The following RGPD2 variants were observed in gnomAD, a reference collection of about 807,000 sequenced individuals.
The protein encoded by RGPD2 is RANBP2-like and GRIP domain-containing protein 2.
RGPD2 carries 2 observed loss-of-function variants against 36.0 expected under a neutral mutation model. The observed-to-expected ratio is 0.06, with a 90% CI of 0.02 to 0.17. The LOEUF (loss-of-function observed/expected upper bound fraction) is 0.17. RGPD2 is among the 10% of genes least tolerant of loss of function. The pLI, the probability that RGPD2 is intolerant of heterozygous loss-of-function variation, is 1.00. For missense variants in RGPD2, 40 were observed against 464.3 expected (o/e 0.09, Z 8.40); for synonymous variants, 19 against 163.8 (o/e 0.12, Z 6.75).
the RGPD2 span, among the ~76,000 whole-genome samples, chr2:87,876,036 T>C: frequency 1.7e-4 from 25 of 151,468 alleles, no homozygotes; most frequent in African/African-American, 5.6e-4. Flanking sequence ...CTGTGAGTAG[T>C]TCATTGGGGT....
At chr2:87,917,903 T>A in the RGPD2 span, among the ~76,000 whole-genome samples, 4 of 121,636 alleles carry the variant, frequency 3.3e-5, no homozygotes, top group African/African-American at 1.1e-4. Context: ...TATTATCCTT[T>A]AGAAGCTTCA....
the RGPD2 span, among the ~76,000 whole-genome samples, chr2:87,983,626 T>A: frequency 7.5e-6 from 1 of 133,754 alleles, no homozygotes; most frequent in African/African-American, 2.8e-5. Context: ...AAACATACAG[T>A]ATATTATATT....
chr2:87,892,550 GAA>G, the RGPD2 span, among the ~76,000 whole-genome samples: 1 of 145,008 alleles, frequency 6.9e-6, no homozygotes. Flanking sequence ...AGCCTGAAGT[GAA>G]GTTATATATG....
chr2:87,839,863 C>A, the RGPD2 span, among the ~76,000 whole-genome samples: 4 of 151,792 alleles, frequency 2.6e-5, no homozygotes, highest in Non-Finnish European at 5.9e-5. Context: ...ATACACCAAA[C>A]CTTCACAGGT....
At chr2:87,968,413 CA>C in the RGPD2 span, among the ~76,000 whole-genome samples, 1 of 146,788 alleles carries the variant, frequency 6.8e-6, no homozygotes, top group Non-Finnish European at 1.5e-5. Context: ...CCGTCTCTAC[CA>C]AAAATGCAAA....
the RGPD2 span, among the ~76,000 whole-genome samples, chr2:87,839,912 A>T: frequency 2.6e-5 from 4 of 152,060 alleles, no homozygotes; most frequent in African/African-American, 7.2e-5. Flanking sequence ...AGAAAAAAAA[A>T]ACACATTATT....
chr2:87,858,020 C>T, the RGPD2 span, among the ~76,000 whole-genome samples: 4 of 152,208 alleles, frequency 2.6e-5, no homozygotes, highest in East Asian at 1.9e-4. Context: ...TGAAGCATTA[C>T]GTTAACTGCA....
At chr2:87,962,008 C>G in the RGPD2 span, among the ~76,000 whole-genome samples, 1 of 121,760 alleles carries the variant, frequency 8.2e-6, no homozygotes, top group Admixed American at 8.7e-5. Context: ...TCCTGGGCAC[C>G]AGAGTGAGAC....
chr2:87,821,915 T>C (rs1686378972), intron 1 of RGPD2, among the ~76,000 whole-genome samples: 1 of 133,040 alleles, frequency 7.5e-6, no homozygotes, highest in Non-Finnish European at 1.6e-5. Context: ...ATTGTAATTG[T>C]CCAAAACTTA....
chr2:87,878,774 A>T, the RGPD2 span, among the ~76,000 whole-genome samples: 1 of 151,992 alleles, frequency 6.6e-6, no homozygotes, highest in East Asian at 1.9e-4. Flanking sequence ...CCACCATTCT[A>T]CTCTCTACTT....
chr2:87,865,109 A>G, the RGPD2 span, among the ~76,000 whole-genome samples: 1 of 151,692 alleles, frequency 6.6e-6, no homozygotes, highest in African/African-American at 2.4e-5. Flanking sequence ...GAAATCATTC[A>G]CTTTTTTCTC....
At chr2:87,916,929 G>A in the RGPD2 span, among the ~76,000 whole-genome samples, 1 of 152,078 alleles carries the variant, frequency 6.6e-6, no homozygotes, top group Admixed American at 6.6e-5. Context: ...TATGCATACA[G>A]ATGAACAAAG....
chr2:87,916,856 C>T, the RGPD2 span, among the ~76,000 whole-genome samples: 1 of 151,432 alleles, frequency 6.6e-6, no homozygotes, highest in Admixed American at 6.6e-5. Context: ...TGGACTAATA[C>T]AGGGAGATGT....
At chr2:87,937,489 T>C in the RGPD2 span, among the ~76,000 whole-genome samples, 1 of 151,776 alleles carries the variant, frequency 6.6e-6, no homozygotes, top group East Asian at 1.9e-4. Context: ...TCAGGAAACT[T>C]ATAACCGTGA....
the RGPD2 span, among the ~76,000 whole-genome samples, chr2:87,869,779 C>A: frequency 3.9e-5 from 6 of 152,118 alleles, no homozygotes; most frequent in African/African-American, 1.4e-4. Context: ...TATATTCCAG[C>A]TTTTTTAAAA....
the RGPD2 span, among the ~76,000 whole-genome samples, chr2:87,841,754 CA>C: frequency 1.3e-4 from 19 of 143,142 alleles, no homozygotes; most frequent in Non-Finnish European, 2.4e-4. Flanking sequence ...AGAGACACAA[CA>C]AAAAAAGAGA....
intron 4 of RGPD2, among the ~76,000 whole-genome samples, chr2:87,815,467 A>C (rs1418231580): frequency 1.0e-4 from 1 of 9,576 alleles, no homozygotes; most frequent in Non-Finnish European, 2.3e-4. Flanking sequence ...AAAATGAAGT[A>C]GCATATAGGA....
At chr2:87,986,600 C>A in the RGPD2 span, among the ~76,000 whole-genome samples, 4 of 151,820 alleles carry the variant, frequency 2.6e-5, no homozygotes, top group Non-Finnish European at 5.9e-5. Flanking sequence ...TCACTATGGG[C>A]CAGGCATGGT....
chr2:87,923,400 T>TA, the RGPD2 span, among the ~76,000 whole-genome samples: 9 of 152,378 alleles, frequency 5.9e-5, no homozygotes, highest in East Asian at 1.7e-3. Context: ...GCCAAAGTAC[T>TA]AAAATCTAAA....
Sources: allele counts gnomAD v4.1 joint callset (sites outside exome capture counted in the v4.1 genomes callset), GRCh38; gene constraint gnomAD v4.1.1; transcripts MANE v1.5; gene names NCBI Gene and HGNC (gene_info 2026-07-23, HGNC 2026-07-21).